The following ECPAS variants were observed in gnomAD, a reference collection of about 807,000 sequenced individuals.
ECPAS encodes Ecm29 proteasome adaptor and scaffold, also known as proteasome adapter and scaffold protein ECM29.
A neutral mutation model predicts 255.1 loss-of-function variants in ECPAS; 70 were observed. The ratio of observed to expected loss-of-function variants is 0.27; its 90% CI spans 0.23 to 0.33. The LOEUF (loss-of-function observed/expected upper bound fraction) is 0.33. ECPAS is among the 10% of genes least tolerant of loss of function. The pLI, the probability that ECPAS is intolerant of heterozygous loss-of-function variation, is 1.00. For synonymous variants in ECPAS, 784 were observed against 775.0 expected (o/e 1.01, Z -0.19); for missense variants, 1,817 against 2,206.4 (o/e 0.82, Z 3.54).
intron 7 of ECPAS, among the ~76,000 whole-genome samples, chr9:111,435,474 C>T (rs1458475788): frequency 6.6e-6 from 1 of 152,002 alleles, no homozygotes; most frequent in African/African-American, 2.4e-5. Flanking sequence ...TAGCTTTAAC[C>T]CTTAGATAAT....
At chr9:111,449,209 T>C (rs1217351389) in intron 3 of ECPAS, among the ~76,000 whole-genome samples, 7 of 151,848 alleles carry the variant, frequency 4.6e-5, no homozygotes, top group Non-Finnish European at 7.4e-5. Context: ...GAAAAACTTA[T>C]CTAAAAAAAG....
At chr9:111,442,168 G>A (rs143625552) in intron 5 of ECPAS, 138 bp downstream of exon 5, 21 of 541,864 alleles carry the variant, frequency 3.9e-5, no homozygotes, top group South Asian at 2.7e-4. Flanking sequence ...GAGGTACCAC[G>A]GAAAATTCTA....
intron 28 of ECPAS, among the ~76,000 whole-genome samples, chr9:111,392,092 T>C (rs1026067331): frequency 1.3e-5 from 2 of 151,938 alleles, no homozygotes; most frequent in African/African-American, 4.8e-5. Context: ...TACAAAAAAT[T>C]AGCCGGGCAT....
rs2098200145 is a variant in ECPAS, at chr9:111,414,579, T to A, written c.1837A>T (p.Met613Leu). Reference protein sequence around the residue: ...VVPTSQSLADMQDHAPAIGRY... With the variant: ...VVPTSQSLADLQDHAPAIGRY... ...CCAATGGCTGGGGCATGATCCTGCA[T>A]ATCAGCCAAACTCTGAGAGGTGGGC... The change falls in exon 19 of 50, where the codon ATG becomes TTG. Residue 613 changes from methionine (M) to leucine (L), a missense_variant. Around this residue, in one of 4 missense-constraint regions of ECPAS, gnomAD observed 573 missense variants for 716.2 expected, o/e 0.80. Coordinates refer to ENST00000684092, the MANE Select transcript of ECPAS (RefSeq NM_001364929.1). 3.7e-6 allele frequency: 6 copies of A among 1,614,004 alleles called. No homozygotes were observed. The highest frequency in any genetic ancestry group is 5.1e-6 in the Non-Finnish European group (6 of 1,179,884).
At chr9:111,480,266 TAGTGGAATTCTTAAAAGCACCTTTTC>T in intron 1 of ECPAS, among the ~76,000 whole-genome samples, 1 of 151,416 alleles carries the variant, frequency 6.6e-6, no homozygotes, top group Admixed American at 6.6e-5. Flanking sequence ...CCTTTTTTTT[TAGTGGAATTCTTAAAAGCACCTTTTC>T]TTTTTTTTTT....
chr9:111,422,014 T>C lies in ECPAS; in HGVS notation c.1362A>G (p.Gln454=), dbSNP rs542539136. The C allele has an allele frequency of 1.9e-6, 3 of 1,613,794 alleles. No individual in the cohort carries two copies. Among genetic ancestry groups the C allele is most frequent in the South Asian group, 2.2e-5 (2 of 91,078 alleles). Residue 454 remains glutamine, a synonymous_variant, in exon 15 of 50, where the codon CAA becomes CAG. Transcript: ENST00000684092. The part of the protein sequence containing the change: ...KEEPETRLAI[Q]EALSMMVGAY... ...CTCCAACCATCATAGATAAAGCTTC[T>C]TGAATAGCAAGTCGAGTCTCAGGCT...
chr9:111,430,077 AAGCATC>A (rs1259194607), intron 9 of ECPAS, among the ~76,000 whole-genome samples: 1 of 152,248 alleles, frequency 6.6e-6, no homozygotes, highest in Admixed American at 6.5e-5. Flanking sequence ...TCTATGAGTT[AAGCATC>A]ATTTTTACAT....
chr9:111,479,633 T>C (rs1355435981), intron 1 of ECPAS, among the ~76,000 whole-genome samples: 1 of 151,796 alleles, frequency 6.6e-6, no homozygotes, highest in Admixed American at 6.6e-5. Context: ...GTGGTAAATT[T>C]TATGTTATGT....
rs201244484 is a variant in ECPAS at position 111,417,978 on chromosome 9, G to A, written c.1588C>T (p.Arg530Cys). 39 of 1,605,436 alleles carry A rather than the reference G, an allele frequency of 2.4e-5. No individual in the cohort carries two copies. Among genetic ancestry groups the A allele is most frequent in the South Asian group, 1.6e-4 (14 of 88,778 alleles). Residue 530 changes from arginine (R) to cysteine (C), a missense_variant, in exon 17 of 50, where the codon CGC (arginine) becomes TGC (cysteine). Arg to Cys is a radical substitution (Grantham distance 180). Transcript: ENST00000684092. ...CTACCTGGAAGACACCTTAATACGC[G>A]TTGTGCTTCTCCATGAACTTCTTCA... is the stretch of plus-strand genomic sequence containing the variant. ...PREEVHGEAQ[R>C]VLRCLPGRNR...
intron 24 of ECPAS, among the ~76,000 whole-genome samples, 171 bp downstream of exon 24, chr9:111,408,400 A>G (rs558621144): frequency 1.3e-5 from 2 of 152,160 alleles, no homozygotes; most frequent in African/African-American, 4.8e-5. Context: ...GATTTAGTCA[A>G]TGCTATACCT....
intron 2 of ECPAS, 46 bp from the exon 3 acceptor site, chr9:111,451,601 C>A: frequency 1.3e-6 from 2 of 1,483,642 alleles, no homozygotes; most frequent in South Asian, 1.3e-5. Context: ...AAGCCAAACA[C>A]AACCAAGACC....
At chr9:111,371,439 G>A (rs747923529) in intron 43 of ECPAS, among the ~76,000 whole-genome samples, 182 bp downstream of exon 43, 2 of 152,204 alleles carry the variant, frequency 1.3e-5, no homozygotes, top group Non-Finnish European at 2.9e-5. Context: ...CACACGGGTT[G>A]CAGTTTGAGA....
chr9:111,376,658 T>C, intron 36 of ECPAS, 117 bp from the exon 37 acceptor site: 1 of 760,144 alleles, frequency 1.3e-6, no homozygotes, highest in Non-Finnish European at 2.2e-6. Context: ...AAATAATCCG[T>C]AGCTATAACA....
At position 111,415,389 on chromosome 9, in the gene ECPAS, G is replaced by A. The variant is rs1006237482; in HGVS notation, c.1765-738C>T. On this transcript the variant is annotated intron_variant, in intron 18 of 49. Coordinates refer to ENST00000684092, the MANE Select transcript of ECPAS (RefSeq NM_001364929.1). ...GGTTCAATTCATCTACAGAAAAATA[G>A]ATATAACACCATAAAAACCTCTGAT... Among the ~76,000 whole-genome samples the A allele has an allele frequency of 2.6e-5, 4 of 152,052 alleles. No homozygotes were observed. In the East Asian group the frequency reaches 7.7e-4, roughly 29 times the overall value.
chr9:111,414,010 T>C (rs770968404), intron 19 of ECPAS, 24 bp from the exon 20 acceptor site: 27 of 1,499,394 alleles, frequency 1.8e-5, no homozygotes, highest in Non-Finnish European at 2.5e-5. Context: ...CAGAATCACC[T>C]TAAATTTCAA....
At chr9:111,381,115 G>A (rs980629578) in intron 35 of ECPAS, among the ~76,000 whole-genome samples, 3 of 152,194 alleles carry the variant, frequency 2.0e-5, no homozygotes. Flanking sequence ...CTAGCTTTCA[G>A]CCTATCTCAG....
Position 111,422,012 on chromosome 9 carries a change from T to G in ECPAS, c.1364A>C (p.Glu455Ala). Residue 455 changes from glutamate to alanine, a missense_variant, in exon 15 of 50, where the codon GAA becomes GCA. Around this residue, in one of 4 missense-constraint regions of ECPAS, gnomAD observed 573 missense variants for 716.2 expected, o/e 0.80. Transcript: ENST00000684092. ...EEPETRLAIQEALSMMVGAYS... is the reference protein window; with the variant it reads ...EEPETRLAIQAALSMMVGAYS... Reference sequence around the variant, plus strand: ...CGCTCCAACCATCATAGATAAAGCTTCTTGAATAGCAAGTCGAGTCTCAGG... The same window carrying G: ...CGCTCCAACCATCATAGATAAAGCTGCTTGAATAGCAAGTCGAGTCTCAGG... 1.2e-6 allele frequency: 2 copies of G among 1,613,756 alleles called. No individual in the cohort carries two copies. The highest frequency in any genetic ancestry group is 8.5e-7 in the Non-Finnish European group (1 of 1,179,796).
At position 111,409,598 on chromosome 9, in the gene ECPAS, T is replaced by C. The variant is rs192234361; in HGVS notation, c.2550+443A>G. Among the ~76,000 whole-genome samples the C allele has an allele frequency of 3.5e-3, 530 of 152,146 alleles. 2 individuals are homozygous for C. Among genetic ancestry groups the C allele is most frequent in the Admixed American group, 4.8e-3 (74 of 15,288 alleles). On this transcript the variant is annotated intron_variant, in intron 23 of 49. Coordinates refer to ENST00000684092, the MANE Select transcript of ECPAS (RefSeq NM_001364929.1). ...AAAAAGATTATATCAATTAAACTTG[T>C]AGTAGTAAACTGATATTTCTGCTCA... is the stretch of plus-strand genomic sequence containing the variant.
At chr9:111,428,529 C>T (rs1184600416) in intron 9 of ECPAS, among the ~76,000 whole-genome samples, 2 of 152,120 alleles carry the variant, frequency 1.3e-5, no homozygotes, top group African/African-American at 2.4e-5. Flanking sequence ...CGCCTTACTA[C>T]AAGAGAAATG....
Sources: gnomAD v4.1 joint callset for allele counts (sites outside exome capture counted in the v4.1 genomes callset) on GRCh38, gnomAD v4.1.1 for gene constraint, gnomAD v4.1.1 regional missense constraint, MANE v1.5 for transcripts, NCBI Gene and HGNC (gene_info 2026-07-23, HGNC 2026-07-21) for gene names.